SETD1B: variants seen among roughly 807,000 people sequenced by gnomAD.
The protein encoded by SETD1B is SET domain containing 1B, histone lysine methyltransferase.
A neutral mutation model predicts 148.0 loss-of-function variants in SETD1B; 7 were observed. The ratio of observed to expected loss-of-function variants is 0.05; its 90% CI spans 0.03 to 0.09. The LOEUF (loss-of-function observed/expected upper bound fraction) is 0.09. SETD1B is among the 10% of genes least tolerant of loss of function. The probability of loss-of-function intolerance (pLI) is 1.00; values close to 1 mark genes in which losing one functional copy is unlikely to be tolerated. For synonymous variants in SETD1B, 1,361 were observed against 1,186.5 expected (o/e 1.15, Z -3.02); for missense variants, 2,155 against 2,729.9 (o/e 0.79, Z 4.69).
rs1876337614 is a variant in SETD1B at position 121,817,319 on chromosome 12, C to A, written c.2977+25C>A. 1 of 1,543,630 alleles carries A rather than the reference C, an allele frequency of 6.5e-7. No homozygotes were observed. The highest frequency in any genetic ancestry group is 8.8e-7 in the Non-Finnish European group (1 of 1,142,320). ...GGTTCGTGCTCTGGGTGCTGGGGTCCCCTTCTTCCGCATCCCCCCAGCCCA... is the reference window on the plus strand; with the variant it reads ...GGTTCGTGCTCTGGGTGCTGGGGTCACCTTCTTCCGCATCCCCCCAGCCCA... On this transcript the variant is annotated intron_variant, in intron 8 of 16. Coordinates refer to ENST00000604567, the MANE Select transcript of SETD1B (RefSeq NM_001353345.2). The surrounding 1 kb of genome is among the most constrained non-coding windows in gnomAD (Gnocchi z 8.1).
chr12:121,829,940 G>A lies in SETD1B; in HGVS notation c.5728-126G>A, dbSNP rs1877013610. 3 of 797,958 alleles carry A rather than the reference G, an allele frequency of 3.8e-6. No homozygotes were observed. In the Admixed American group the frequency reaches 8.0e-5, roughly 21 times the overall value. The allele number at this position is 797,958 out of a possible 1,614,324, so 49.4% of individuals were successfully genotyped here. A position where few individuals can be genotyped will look rare whatever the true frequency, so the allele number is the denominator to read the frequency against. ...CGGGGGAGCCAAGGTCCAGAGCAGAGCAGTGGGCTGGGGGTCACGTGGCAT... is the reference window on the plus strand; with the variant it reads ...CGGGGGAGCCAAGGTCCAGAGCAGAACAGTGGGCTGGGGGTCACGTGGCAT... On this transcript the variant is annotated intron_variant, in intron 16 of 16. Coordinates refer to ENST00000604567, the MANE Select transcript of SETD1B (RefSeq NM_001353345.2).
In SETD1B at chr12:121,805,259, C is replaced by T. The variant is rs1171093353; in HGVS notation, c.273+43C>T. On this transcript the variant is annotated intron_variant, in intron 3 of 16. Coordinates refer to ENST00000604567, the MANE Select transcript of SETD1B (RefSeq NM_001353345.2). The surrounding 1 kb of genome is among the most constrained non-coding windows in gnomAD (Gnocchi z 4.2). ...TGCCCCGCCGTCCCTCCCCCACCTC[C>T]CCGAGTTCGAAAATAACGCCAGTCC... The T allele has an allele frequency of 1.4e-6, 2 of 1,461,192 alleles. No homozygotes were observed. The highest frequency in any genetic ancestry group is 1.2e-5 in the South Asian group (1 of 82,172). The allele number at this position is 1,461,192 out of a possible 1,614,324, so 90.5% of individuals were successfully genotyped here.
chr12:121,823,880 C>G lies in SETD1B; in HGVS notation c.5170+131C>G, dbSNP rs923478907. Reference sequence around the variant, plus strand: ...AAGGTGACAGCATGCACCACCGTCACTTCCCAAGCAGGGTTTGTGTCCCGG... The same window carrying G: ...AAGGTGACAGCATGCACCACCGTCAGTTCCCAAGCAGGGTTTGTGTCCCGG... On this transcript the variant is annotated intron_variant, in intron 12 of 16. Coordinates refer to ENST00000604567, the MANE Select transcript of SETD1B (RefSeq NM_001353345.2). 3.1e-6 allele frequency: 4 copies of G among 1,294,076 alleles called. No homozygotes were observed. In the Admixed American group the frequency reaches 1.1e-4, roughly 36 times the overall value. 80.2% of individuals were successfully genotyped at this position (1,294,076 alleles called of 1,614,324 possible).
chr12:121,808,202 C>G lies in SETD1B; in HGVS notation c.545-6C>G, dbSNP rs1444061712. Reference sequence around the variant, plus strand: ...ACTGAGTTCCCCCTTTCCTGCCCATCTACAGGGGAAACCCGAATGCGGTTC... The same window carrying G: ...ACTGAGTTCCCCCTTTCCTGCCCATGTACAGGGGAAACCCGAATGCGGTTC... On this transcript the variant is annotated splice_polypyrimidine_tract_variant and splice_region_variant and intron_variant, in intron 4 of 16. Transcript: ENST00000604567. The surrounding 1 kb of genome is among the most constrained non-coding windows in gnomAD (Gnocchi z 5.3). 5.2e-6 allele frequency: 8 copies of G among 1,549,754 alleles called. No homozygotes were observed. The highest frequency in any genetic ancestry group is 7.0e-6 in the Non-Finnish European group (8 of 1,145,518).
Position 121,810,415 on chromosome 12 carries a change from A to T in SETD1B, c.1470A>T (p.Ala490=). The part of the protein sequence containing the change: ...PGTPTLESSP[A]GPEKPHDSLD... ...CGCCCACGCTGGAGTCGTCCCCTGC[A>T]GGGCCAGAGAAACCCCACGACAGCC... Residue 490 remains alanine, a synonymous_variant, in exon 6 of 17, where the codon GCA becomes GCT. Coordinates refer to ENST00000604567, the MANE Select transcript of SETD1B (RefSeq NM_001353345.2). The surrounding 1 kb of genome is among the most constrained non-coding windows in gnomAD (Gnocchi z 7.6). 2 of 1,549,142 alleles carry T rather than the reference A, an allele frequency of 1.3e-6. No homozygotes were observed. Among genetic ancestry groups the T allele is most frequent in the Non-Finnish European group, 1.7e-6 (2 of 1,146,938 alleles).
the SETD1B span, chr12:121,797,536 C>G: frequency 2.2e-6 from 1 of 456,426 alleles, no homozygotes; most frequent in Admixed American, 2.3e-5. Context: ...CCAGGTGGGT[C>G]CCGACACCGT....
rs577667566 is a variant in SETD1B, at chr12:121,830,323, C to T, written c.*84C>T. On this transcript the variant is annotated 3_prime_UTR_variant, in exon 17 of 17. Coordinates refer to ENST00000604567, the MANE Select transcript of SETD1B (RefSeq NM_001353345.2). This position sits in a 1 kb window ranked among gnomAD's most constrained non-coding sequence, Gnocchi z 5.7. ...CCCCTGGCCCCGGGGCCCGGCCCCC[C>T]GCGCCCGCCCCCATTTCAGGTGCTG... 3.3e-5 allele frequency: 45 copies of T among 1,343,932 alleles called. No individual in the cohort carries two copies. The highest frequency in any genetic ancestry group is 2.1e-4 in the African/African-American group (14 of 68,146). 83.3% of individuals were successfully genotyped at this position (1,343,932 alleles called of 1,614,324 possible).
intron 6 of SETD1B, 109 bp from the exon 7 acceptor site, chr12:121,813,997 T>C: frequency 1.1e-6 from 1 of 881,122 alleles, no homozygotes; most frequent in South Asian, 1.7e-5. Flanking sequence ...TGGCTTGCAC[T>C]GGGTCACACA....
At chr12:121,824,085 A>T (rs1876721344) in intron 12 of SETD1B, among the ~76,000 whole-genome samples, 1 of 152,226 alleles carries the variant, frequency 6.6e-6, no homozygotes, top group African/African-American at 2.4e-5. Flanking sequence ...ACCTCAGGTA[A>T]TCCCGGTAGC....
chr12:121,805,247 C>T lies in SETD1B; in HGVS notation c.273+31C>T. ...ACCCCTCCCCACTGCCCCGCCGTCC[C>T]TCCCCCACCTCCCCGAGTTCGAAAA... On this transcript the variant is annotated intron_variant, in intron 3 of 16. Coordinates refer to ENST00000604567, the MANE Select transcript of SETD1B (RefSeq NM_001353345.2). The surrounding 1 kb of genome is among the most constrained non-coding windows in gnomAD (Gnocchi z 4.2). 9 of 1,480,268 alleles carry T rather than the reference C, an allele frequency of 6.1e-6. No homozygotes were observed. Among genetic ancestry groups the T allele is most frequent in the Non-Finnish European group, 8.3e-6 (9 of 1,085,098 alleles). 91.7% of individuals were successfully genotyped at this position (1,480,268 alleles called of 1,614,324 possible).
At position 121,823,546 on chromosome 12, in the gene SETD1B, C is replaced by A; in HGVS notation, c.4967C>A (p.Pro1656His). ...PKKRHEDLVP[P>H]AGSPELSPPQ... Reference sequence around the variant, plus strand: ...AAGCGCCATGAGGACCTGGTGCCACCTGCGGGCTCGCCCGAACTCTCGCCA... The same window carrying A: ...AAGCGCCATGAGGACCTGGTGCCACATGCGGGCTCGCCCGAACTCTCGCCA... The change falls in exon 12 of 17, where the codon CCT becomes CAT. Residue 1656 changes from proline to histidine, a missense_variant. Coordinates refer to ENST00000604567, the MANE Select transcript of SETD1B (RefSeq NM_001353345.2). 6.4e-7 allele frequency: 1 copy of A among 1,551,204 alleles called. No individual in the cohort carries two copies. Among genetic ancestry groups the A allele is most frequent in the Non-Finnish European group, 8.7e-7 (1 of 1,146,930 alleles).
upstream of SETD1B, chr12:121,799,839 A>C (rs1250389047): frequency 6.6e-6 from 1 of 151,548 alleles, no homozygotes; most frequent in Non-Finnish European, 1.5e-5. Flanking sequence ...GCAAGTACTC[A>C]CACCTACCTT....
chr12:121,806,297 C>T (rs950397914), intron 4 of SETD1B, among the ~76,000 whole-genome samples, 192 bp downstream of exon 4: 8 of 151,148 alleles, frequency 5.3e-5, no homozygotes. Context: ...AGGAGACAGT[C>T]TGTAATTTAC....
chr12:121,805,336 T>A lies in SETD1B; in HGVS notation c.273+120T>A. 1 of 855,574 alleles carries A rather than the reference T, an allele frequency of 1.2e-6. No individual in the cohort carries two copies. The highest frequency in any genetic ancestry group is 1.9e-6 in the Non-Finnish European group (1 of 540,100). The allele number at this position is 855,574 out of a possible 1,614,324, so 53.0% of individuals were successfully genotyped here. On this transcript the variant is annotated intron_variant, in intron 3 of 16. Coordinates refer to ENST00000604567, the MANE Select transcript of SETD1B (RefSeq NM_001353345.2). This position sits in a 1 kb window ranked among gnomAD's most constrained non-coding sequence, Gnocchi z 4.2. Reference sequence around the variant, plus strand: ...TCCCGCCGTCCGGGGCCAGGGAAGTTTTGGCGGGGAGGGGTAGAGCGCTGG... The same window carrying A: ...TCCCGCCGTCCGGGGCCAGGGAAGTATTGGCGGGGAGGGGTAGAGCGCTGG...
In SETD1B at chr12:121,809,805, C is replaced by T. The variant is rs1367816899; in HGVS notation, c.860C>T (p.Ser287Phe). 6.4e-7 allele frequency: 1 copy of T among 1,551,598 alleles called. No individual in the cohort carries two copies. Among genetic ancestry groups the T allele is most frequent in the East Asian group, 2.4e-5 (1 of 40,924 alleles). Residue 287 changes from serine (S) to phenylalanine (F), a missense_variant, in exon 6 of 17, where the codon TCC becomes TTC. By Grantham distance (155) the Ser-to-Phe change is radical (BLOSUM62 -2). This residue lies in a region of SETD1B where 376 missense variants were observed against 385.0 expected (regional missense o/e 0.98). Coordinates refer to ENST00000604567, the MANE Select transcript of SETD1B (RefSeq NM_001353345.2). ...CTGGGCACCCCTTTCTCACAGGACT[C>T]CAGCTACTCCAGCCGCCAGCCCACA... ...PRLGTPFSQDSSYSSRQPTPS... is the reference protein window; with the variant it reads ...PRLGTPFSQDFSYSSRQPTPS...
intron 10 of SETD1B, among the ~76,000 whole-genome samples, chr12:121,818,889 CAAAAA>C (rs61120230): frequency 1.8e-4 from 12 of 65,274 alleles, no homozygotes; most frequent in Non-Finnish European, 2.9e-4. Flanking sequence ...GACTCCGTCT[CAAAAA>C]AAAAAAAAAA....
At position 121,805,891 on chromosome 12, in the gene SETD1B, G is replaced by A. The variant is rs905297903; in HGVS notation, c.330G>A (p.Leu110=). The change falls in exon 4 of 17, where the codon CTG becomes CTA. Residue 110 remains leucine (L), a synonymous_variant. Transcript: ENST00000604567. This position sits in a 1 kb window ranked among gnomAD's most constrained non-coding sequence, Gnocchi z 4.2. ...VPPKQVTFAK[L]NDNIRENFLR... ...CGAAGCAGGTGACATTTGCCAAGCTGAATGATAACATCCGTGAAAACTTCC... is the reference window on the plus strand; with the variant it reads ...CGAAGCAGGTGACATTTGCCAAGCTAAATGATAACATCCGTGAAAACTTCC... 3 of 1,551,440 alleles carry A rather than the reference G, an allele frequency of 1.9e-6. No individual in the cohort carries two copies. Among genetic ancestry groups the A allele is most frequent in the Non-Finnish European group, 2.6e-6 (3 of 1,146,956 alleles).
upstream of SETD1B, chr12:121,799,277 G>C (rs1875176270): frequency 6.6e-6 from 1 of 152,250 alleles, no homozygotes; most frequent in Admixed American, 6.5e-5. Flanking sequence ...TCTGGTTCTA[G>C]AAACAAGGCT....
At chr12:121,816,955 C>A in intron 7 of SETD1B, 78 bp from the exon 8 acceptor site, 1 of 1,320,742 alleles carries the variant, frequency 7.6e-7, no homozygotes, top group Non-Finnish European at 1.0e-6. Flanking sequence ...GAGTGGAAGG[C>A]AGGTAGCCTG....
Sources: gnomAD v4.1 joint callset for allele counts (sites outside exome capture counted in the v4.1 genomes callset) on GRCh38, gnomAD v4.1.1 for gene constraint, gnomAD v4.1.1 regional missense constraint, Gnocchi (gnomAD v3.1) non-coding constraint, MANE v1.5 for transcripts, NCBI Gene and HGNC (gene_info 2026-07-23, HGNC 2026-07-21) for gene names.